The following DIP2C variants were observed in gnomAD, a reference collection of about 807,000 sequenced individuals.
The protein encoded by DIP2C is DIP2 acetate--CoA ligase C (putative), also known as disco-interacting protein 2 homolog C.
A neutral mutation model predicts 192.4 loss-of-function variants in DIP2C; 33 were observed. The observed-to-expected ratio is 0.17, with a 90% CI of 0.13 to 0.23. The LOEUF is 0.23. Ranked by LOEUF, DIP2C falls within the 10% of genes least tolerant of loss-of-function variation. The pLI is 1.00. For synonymous variants in DIP2C, 979 were observed against 864.1 expected (o/e 1.13, Z -2.33); for missense variants, 1,537 against 2,110.1 (o/e 0.73, Z 5.32).
intron 4 of DIP2C, among the ~76,000 whole-genome samples, chr10:431,823 C>G (rs1362690534): frequency 6.6e-6 from 1 of 152,152 alleles, no homozygotes; most frequent in African/African-American, 2.4e-5. Flanking sequence ...GATCCCCTTT[C>G]CGGATCTTAG....
At chr10:352,981 C>T (rs926464147) in intron 24 of DIP2C, among the ~76,000 whole-genome samples, 1 of 152,146 alleles carries the variant, frequency 6.6e-6, no homozygotes, top group African/African-American at 2.4e-5. Context: ...CGGCGAGTGT[C>T]CCATAAAGCA....
At chr10:509,147 T>C (rs983696270) in intron 1 of DIP2C, among the ~76,000 whole-genome samples, 1 of 152,020 alleles carries the variant, frequency 6.6e-6, no homozygotes, top group Non-Finnish European at 1.5e-5. Context: ...ACCATACAAC[T>C]AGGGGTCGAT....
chr10:648,833 T>G (rs990545924), intron 1 of DIP2C, among the ~76,000 whole-genome samples: 8 of 128,282 alleles, frequency 6.2e-5, no homozygotes, highest in South Asian at 2.7e-4. Context: ...CGTCCACATT[T>G]GACGGTGGGC....
chr10:602,209 T>TA (rs544975990), intron 1 of DIP2C, among the ~76,000 whole-genome samples: 115 of 152,278 alleles, frequency 7.6e-4, no homozygotes, highest in African/African-American at 2.6e-3. Context: ...AAGTGTCAGT[T>TA]CTCAAAGCCC....
intron 1 of DIP2C, among the ~76,000 whole-genome samples, chr10:544,791 G>A (rs1848189052): frequency 6.6e-6 from 1 of 152,066 alleles, no homozygotes; most frequent in Admixed American, 6.5e-5. Context: ...TCTTTTCATT[G>A]CTGAGTAAGT....
At chr10:562,135 G>T (rs1849252216) in intron 1 of DIP2C, among the ~76,000 whole-genome samples, 2 of 152,200 alleles carry the variant, frequency 1.3e-5, no homozygotes, top group South Asian at 2.1e-4. Context: ...GCCTTCTCAA[G>T]GTTCTCCACA....
At position 544,786 on chromosome 10, in the gene DIP2C, T is replaced by TC. The variant is rs1296171837; in HGVS notation, c.86-58257dup. Among the ~76,000 whole-genome samples, 3 of 152,370 alleles carry TC rather than the reference T, an allele frequency of 2.0e-5. No homozygotes were observed. In the East Asian group the frequency reaches 5.8e-4, roughly 29 times the overall value. On this transcript the variant is annotated intron_variant, in intron 1 of 36. Transcript: ENST00000280886. ...TCCATTTTTAAATTGGATTTTCTTT[T>TC]CATTGCTGAGTAAGTTTTTAAAGAT...
chr10:619,537 G>GCCCGCCCGCCCGCCCGCCCGCCCGCCCT, intron 1 of DIP2C, among the ~76,000 whole-genome samples: 1 of 51,386 alleles, frequency 1.9e-5, no homozygotes, highest in African/African-American at 5.2e-5. Flanking sequence ...AAGCCCGCCC[G>GCCCGCCCGCCCGCCCGCCCGCCCGCCCT]CCCGCCCTCC....
intron 1 of DIP2C, among the ~76,000 whole-genome samples, chr10:498,869 TTA>T (rs1034759949): frequency 6.6e-6 from 1 of 152,154 alleles, no homozygotes; most frequent in Non-Finnish European, 1.5e-5. Context: ...TGCCAGCTAA[TTA>T]TAGATAAAAC....
intron 24 of DIP2C, among the ~76,000 whole-genome samples, chr10:354,715 A>C (rs915285356): frequency 1.3e-5 from 2 of 151,832 alleles, no homozygotes; most frequent in Non-Finnish European, 2.9e-5. Flanking sequence ...CTCTGTGAGG[A>C]AATTAGGGGA....
At chr10:654,674 C>A (rs1321214017) in intron 1 of DIP2C, among the ~76,000 whole-genome samples, 1 of 152,100 alleles carries the variant, frequency 6.6e-6, no homozygotes, top group African/African-American at 2.4e-5. Flanking sequence ...AGAAAGCCAA[C>A]CTCCTCCCCC....
intron 1 of DIP2C, among the ~76,000 whole-genome samples, chr10:641,513 C>T (rs1265428264): frequency 6.6e-6 from 1 of 152,216 alleles, no homozygotes; most frequent in East Asian, 1.9e-4. Flanking sequence ...CACAACGCCC[C>T]TCCTCTCCCA....
intron 3 of DIP2C, among the ~76,000 whole-genome samples, chr10:464,986 C>CA (rs1970090510): frequency 1.3e-5 from 2 of 150,886 alleles, no homozygotes; most frequent in Non-Finnish European, 2.9e-5. Context: ...CATTCCTTCT[C>CA]AAACTATTCC....
rs1357489428 is a variant in DIP2C, at chr10:525,773, C to T, written c.86-39243G>A. Among the ~76,000 whole-genome samples, 3 of 152,192 alleles carry T rather than the reference C, an allele frequency of 2.0e-5. No individual in the cohort carries two copies. The East Asian group carries it at 5.8e-4, about 29-fold the overall frequency. ...TGTGCAGGTGACTCAGCTAACCCTG[C>T]GATGGCCAGGCATCTCAATGAGACA... On this transcript the variant is annotated intron_variant, in intron 1 of 36. Transcript: ENST00000280886.
chr10:601,114 A>G (rs933890152), intron 1 of DIP2C, among the ~76,000 whole-genome samples: 6 of 152,238 alleles, frequency 3.9e-5, no homozygotes. Context: ...TGTTTGGTTA[A>G]GAAAAACCAA....
intron 2 of DIP2C, chr10:484,675 C>T: frequency 1.4e-6 from 2 of 1,425,542 alleles, no homozygotes; most frequent in Non-Finnish European, 1.9e-6. Context: ...ACCCTCAGGC[C>T]CCCAAGGCCA....
At chr10:468,999 ATC>A (rs1230286930) in intron 3 of DIP2C, among the ~76,000 whole-genome samples, 1 of 151,934 alleles carries the variant, frequency 6.6e-6, no homozygotes, top group Non-Finnish European at 1.5e-5. Flanking sequence ...GGAGACCATC[ATC>A]TGTGCAGGTG....
intron 4 of DIP2C, among the ~76,000 whole-genome samples, chr10:432,691 G>T (rs1966876634): frequency 6.6e-6 from 1 of 151,890 alleles, no homozygotes; most frequent in African/African-American, 2.4e-5. Context: ...TTTGTCTCCT[G>T]CTTACTTAGA....
chr10:479,320 TCA>T (rs1484543264), intron 2 of DIP2C, among the ~76,000 whole-genome samples: 1 of 143,654 alleles, frequency 7.0e-6, no homozygotes, highest in African/African-American at 2.5e-5. Context: ...CCATGAATTC[TCA>T]CACTGCTTTT....
Sources: allele counts gnomAD v4.1 joint callset (sites outside exome capture counted in the v4.1 genomes callset), GRCh38; gene constraint gnomAD v4.1.1; transcripts MANE v1.5; gene names NCBI Gene and HGNC (gene_info 2026-07-23, HGNC 2026-07-21).